MTFR1: variants seen among roughly 807,000 people sequenced by gnomAD.
MTFR1 encodes the protein chondrocyte protein with a poly-proline region.
Under a neutral mutation model 38.8 loss-of-function variants are expected in MTFR1, and 28 were observed. The observed-to-expected ratio is 0.72, with a 90% CI of 0.53 to 0.99. MTFR1 has a LOEUF of 0.99. MTFR1 is among the 50% of genes least tolerant of loss of function. MTFR1 has a pLI of 0.00. For synonymous variants in MTFR1, 145 were observed against 137.0 expected (o/e 1.06, Z -0.41); for missense variants, 358 against 395.5 (o/e 0.91, Z 0.81).
At chr8:65,706,112 T>TG (rs1450033955) in intron 5 of MTFR1, among the ~76,000 whole-genome samples, 4 of 152,072 alleles carry the variant, frequency 2.6e-5, no homozygotes, top group Non-Finnish European at 5.9e-5. Context: ...CAGAGGTGGG[T>TG]GGGGGTGGAG....
rs149419572 is a variant in MTFR1 at position 65,682,385 on chromosome 8, T to A, written c.99T>A (p.Ser33=). 1 of 1,572,902 alleles carries A rather than the reference T, an allele frequency of 6.4e-7. No homozygotes were observed. The highest frequency in any genetic ancestry group is 1.4e-5 in the African/African-American group (1 of 73,276). The change falls in exon 3 of 8, where the codon TCT becomes TCA. Residue 33 remains serine (S), a synonymous_variant. Coordinates refer to ENST00000262146, the MANE Select transcript of MTFR1 (RefSeq NM_014637.4). ...VLWSRKPYGS[S]RSIVRKIGTN... Reference sequence around the variant, plus strand: ...GGTCTAGGAAGCCATATGGTTCGTCTCGAAGTATCGTAAGGAAAATTGGTA... The same window carrying A: ...GGTCTAGGAAGCCATATGGTTCGTCACGAAGTATCGTAAGGAAAATTGGTA...
chr8:65,770,085 ATTG>A (rs1228821755), intron 3 of MTFR1, among the ~76,000 whole-genome samples: 3 of 151,474 alleles, frequency 2.0e-5, no homozygotes, highest in Admixed American at 6.6e-5. Flanking sequence ...TCAGATATGC[ATTG>A]TTAACATTTG....
the MTFR1 span, among the ~76,000 whole-genome samples, chr8:65,777,136 G>A: frequency 7.1e-6 from 1 of 141,464 alleles, no homozygotes; most frequent in East Asian, 2.1e-4. Context: ...AGACTGGAGT[G>A]CAATGCAATC....
chr8:65,709,175 T>C lies in MTFR1; in HGVS notation c.*131T>C, dbSNP rs899559961. On this transcript the variant is annotated 3_prime_UTR_variant, in exon 8 of 8. Transcript: ENST00000262146. The stretch of plus-strand genomic sequence containing the variant: ...GTGGTCTTCTTTTCAGGCTAATTAG[T>C]GGATTAAGCAATAATGAAAGCACTA... The C allele has an allele frequency of 1.5e-5, 12 of 826,190 alleles. No homozygotes were observed. The highest frequency in any genetic ancestry group is 2.4e-5 in the Non-Finnish European group (12 of 505,136). 51.2% of individuals were successfully genotyped at this position (826,190 alleles called of 1,614,324 possible).
intron 4 of MTFR1, among the ~76,000 whole-genome samples, chr8:65,694,983 TGAA>T (rs1805393544): frequency 6.6e-6 from 1 of 152,206 alleles, no homozygotes; most frequent in Non-Finnish European, 1.5e-5. Flanking sequence ...GGTAGAGGTT[TGAA>T]GGTCTTACAC....
At chr8:65,659,179 C>A (rs1191343042) in intron 1 of MTFR1, among the ~76,000 whole-genome samples, 1 of 152,094 alleles carries the variant, frequency 6.6e-6, no homozygotes, top group Non-Finnish European at 1.5e-5. Context: ...AGGACCATTA[C>A]CTTTCTCAAA....
chr8:65,776,178 A>AAC (rs1809254324), downstream of MTFR1, among the ~76,000 whole-genome samples: 1 of 152,192 alleles, frequency 6.6e-6, no homozygotes, highest in African/African-American at 2.4e-5. Flanking sequence ...TCCAAGATTC[A>AAC]CTTGATTTAG....
At chr8:65,767,564 G>T (rs1051332244) in intron 3 of MTFR1, among the ~76,000 whole-genome samples, 1 of 152,072 alleles carries the variant, frequency 6.6e-6, no homozygotes, top group Non-Finnish European at 1.5e-5. Context: ...TGGCCTTTCT[G>T]ACTGTGAGTC....
At chr8:65,662,003 C>T (rs1213859944) in intron 1 of MTFR1, among the ~76,000 whole-genome samples, 4 of 148,056 alleles carry the variant, frequency 2.7e-5, no homozygotes, top group African/African-American at 7.5e-5. Flanking sequence ...AGCCCTCTCC[C>T]TCTCCCTCTC....
downstream of MTFR1, among the ~76,000 whole-genome samples, chr8:65,774,837 G>C (rs1809211192): frequency 2.0e-5 from 3 of 152,036 alleles, no homozygotes; most frequent in Admixed American, 6.6e-5. Flanking sequence ...TCTCATATCT[G>C]CTAATACACT....
intron 3 of MTFR1, among the ~76,000 whole-genome samples, chr8:65,759,572 A>C (rs924553351): frequency 6.6e-6 from 1 of 152,198 alleles, no homozygotes; most frequent in African/African-American, 2.4e-5. Context: ...GGTGACTCTA[A>C]GTGTCCAATC....
intron 3 of MTFR1, chr8:65,723,578 G>A (rs775458667): frequency 7.0e-6 from 11 of 1,580,390 alleles, no homozygotes; most frequent in South Asian, 2.4e-5. Context: ...TGTGACGATC[G>A]CAAAGTGGAC....
intron 3 of MTFR1, among the ~76,000 whole-genome samples, chr8:65,691,006 T>C (rs1805259261): frequency 6.6e-6 from 1 of 152,206 alleles, no homozygotes; most frequent in Non-Finnish European, 1.5e-5. Flanking sequence ...ACCTGATTTC[T>C]CAACTCTTGA....
intron 3 of MTFR1, among the ~76,000 whole-genome samples, chr8:65,690,556 C>G (rs981142089): frequency 3.4e-5 from 5 of 147,456 alleles, no homozygotes; most frequent in African/African-American, 1.2e-4. Flanking sequence ...AAAAGTAGTA[C>G]TTTGTTTTTT....
intron 4 of MTFR1, among the ~76,000 whole-genome samples, chr8:65,696,660 CT>C (rs904836773): frequency 1.3e-5 from 2 of 149,956 alleles, no homozygotes; most frequent in Non-Finnish European, 1.5e-5. Context: ...TAATATGTAA[CT>C]TTTTTTTTTA....
rs184636866 is a variant in MTFR1, at chr8:65,677,104, C to T, written c.67-5249C>T. The stretch of plus-strand genomic sequence containing the variant: ...TTTTTTTTTTTTTGAGACAGAGTCT[C>T]GCTCTGTCACCCAGGATGGAGTGCA... On this transcript the variant is annotated intron_variant, in intron 2 of 7. Coordinates refer to ENST00000262146, the MANE Select transcript of MTFR1 (RefSeq NM_014637.4). Among the ~76,000 whole-genome samples, 79 of 123,960 alleles carry T rather than the reference C, an allele frequency of 6.4e-4. 1 individual carries two copies. The East Asian group carries it at 0.017, about 26-fold the overall frequency. 81.3% of individuals were successfully genotyped at this position (123,960 alleles called of 152,430 possible). A position where few individuals can be genotyped will look rare whatever the true frequency, so the allele number is the denominator to read the frequency against.
chr8:65,758,935 C>T (rs894426743), intron 3 of MTFR1, among the ~76,000 whole-genome samples: 2 of 152,266 alleles, frequency 1.3e-5, no homozygotes, highest in African/African-American at 2.4e-5. Context: ...TGTCCCATAA[C>T]CATAGGCAGC....
intron 1 of MTFR1, among the ~76,000 whole-genome samples, chr8:65,665,752 T>C (rs919094900): frequency 2.6e-5 from 4 of 152,204 alleles, no homozygotes; most frequent in African/African-American, 9.6e-5. Context: ...GCTTCCTGAG[T>C]AACTGGGACT....
intron 3 of MTFR1, among the ~76,000 whole-genome samples, chr8:65,744,201 G>A (rs1490607349): frequency 6.6e-6 from 1 of 150,944 alleles, no homozygotes; most frequent in Non-Finnish European, 1.5e-5. Flanking sequence ...GAGATGCTTA[G>A]TTGTGTTACA....
Sources: gnomAD v4.1 joint callset for allele counts (sites outside exome capture counted in the v4.1 genomes callset) on GRCh38, gnomAD v4.1.1 for gene constraint, MANE v1.5 for transcripts, NCBI Gene and HGNC (gene_info 2026-07-23, HGNC 2026-07-21) for gene names.